Variants in OTUD3 observed in about 807,000 individuals in gnomAD.
OTUD3 encodes the protein OTU deubiquitinase 3, also known as OTU domain-containing protein 3.
In OTUD3, 24 loss-of-function variants were observed where a neutral mutation model predicts 46.2. The observed-to-expected ratio is 0.52, with a 90% confidence interval of 0.38 to 0.73. The LOEUF (loss-of-function observed/expected upper bound fraction) is 0.73. Among genes scored for constraint, OTUD3 ranks in the 30% least tolerant of loss-of-function variants. OTUD3 has a pLI of 0.00. For synonymous variants in OTUD3, 189 were observed against 195.4 expected (o/e 0.97, Z 0.27); for missense variants, 455 against 523.3 (o/e 0.87, Z 1.27).
rs554221669 is a variant in OTUD3, at chr1:19,882,779, C to A, written c.221+45C>A. The A allele has an allele frequency of 1.3e-5, 16 of 1,264,254 alleles. No individual in the cohort carries two copies. The East Asian group carries it at 4.8e-4, about 38-fold the overall frequency. The allele number at this position is 1,264,254 out of a possible 1,614,324, so 78.3% of individuals were successfully genotyped here. On this transcript the variant is annotated intron_variant, in intron 1 of 7. Coordinates refer to ENST00000375120, the MANE Select transcript of OTUD3 (RefSeq NM_015207.2). ...AGGGAGGCGGCGCCGGGGGACGCGCCGGGCTCGGCCTGGCGACCGTTGCCC... is the reference window on the plus strand; with the variant it reads ...AGGGAGGCGGCGCCGGGGGACGCGCAGGGCTCGGCCTGGCGACCGTTGCCC...
rs61404197 is a variant in OTUD3 at position 19,885,599 on chromosome 1, A to G, written c.221+2865A>G. Among the ~76,000 whole-genome samples the G allele has an allele frequency of 2.3e-3, 344 of 152,232 alleles. 2 individuals carry two copies. Among genetic ancestry groups the G allele is most frequent in the African/African-American group, 7.9e-3 (328 of 41,564 alleles). On this transcript the variant is annotated intron_variant, in intron 1 of 7. Coordinates refer to ENST00000375120, the MANE Select transcript of OTUD3 (RefSeq NM_015207.2). ...CTCCTGAGTAGCTGGGATTACAGGC[A>G]CCTGCTACCACAGCCAGCTAATTTG... is the stretch of plus-strand genomic sequence containing the variant.
intron 2 of OTUD3, among the ~76,000 whole-genome samples, chr1:19,892,023 T>C (rs367875145): frequency 6.6e-6 from 1 of 152,262 alleles, no homozygotes; most frequent in African/African-American, 2.4e-5. Flanking sequence ...TAGTTTGTGA[T>C]GTGAAACTCC....
At chr1:19,890,761 C>T (rs1257231060) in intron 2 of OTUD3, among the ~76,000 whole-genome samples, 1 of 152,094 alleles carries the variant, frequency 6.6e-6, no homozygotes, top group Non-Finnish European at 1.5e-5. Flanking sequence ...ATTAATTGAC[C>T]TGAAAAGCGA....
intron 2 of OTUD3, among the ~76,000 whole-genome samples, chr1:19,892,153 C>T (rs2045455159): frequency 6.6e-6 from 1 of 152,172 alleles, no homozygotes; most frequent in Non-Finnish European, 1.5e-5. Flanking sequence ...AAGGTGTTTT[C>T]TTGAAATGTC....
intron 4 of OTUD3, among the ~76,000 whole-genome samples, chr1:19,900,745 G>A (rs894831021): frequency 6.6e-6 from 1 of 151,944 alleles, no homozygotes; most frequent in African/African-American, 2.4e-5. Flanking sequence ...TTCACATGTT[G>A]ATGCCTCATT....
At chr1:19,887,327 G>A (rs1222876008) in intron 1 of OTUD3, among the ~76,000 whole-genome samples, 4 of 151,972 alleles carry the variant, frequency 2.6e-5, no homozygotes, top group African/African-American at 9.7e-5. Context: ...CAGGTGATCC[G>A]CCTGCCTTGG....
intron 6 of OTUD3, among the ~76,000 whole-genome samples, chr1:19,906,138 G>C (rs1401680092): frequency 6.6e-6 from 1 of 152,202 alleles, no homozygotes; most frequent in Non-Finnish European, 1.5e-5. Flanking sequence ...GGGTGCAAAT[G>C]AAAGATTTTC....
chr1:19,912,199 A>G lies in OTUD3; in HGVS notation c.*4453A>G, dbSNP rs958789277. On this transcript the variant is annotated 3_prime_UTR_variant, in exon 8 of 8. Transcript: ENST00000375120. ...TTGCGGCTGGCGGCGATTGCCGGAC[A>G]GACTCTCTGTGGCCTGGCTCTCATC... The G allele has an allele frequency of 2.0e-5, 3 of 152,344 alleles. No individual in the cohort carries two copies. Among genetic ancestry groups the G allele is most frequent in the African/African-American group, 7.2e-5 (3 of 41,458 alleles). The allele number at this position is 152,344 out of a possible 1,614,324, so 9.4% of individuals were successfully genotyped here.
At chr1:19,890,826 T>C (rs1050642774) in intron 2 of OTUD3, among the ~76,000 whole-genome samples, 2 of 152,224 alleles carry the variant, frequency 1.3e-5, no homozygotes, top group African/African-American at 2.4e-5. Context: ...ATAGCTTGTA[T>C]AGGTTGATCC....
At position 19,912,140 on chromosome 1, in the gene OTUD3, GT is replaced by G. The variant is rs1321052408; in HGVS notation, c.*4395del. On this transcript the variant is annotated 3_prime_UTR_variant, in exon 8 of 8. Coordinates refer to ENST00000375120, the MANE Select transcript of OTUD3 (RefSeq NM_015207.2). ...AATTTATTCTAAGCAGGTCATAGCC[GT>G]GATCCAGAGCTGCTGCTGCTCACTG... 1 of 152,362 alleles carries G rather than the reference GT, an allele frequency of 6.6e-6. No homozygotes were observed. Among genetic ancestry groups the G allele is most frequent in the Non-Finnish European group, 1.5e-5 (1 of 68,040 alleles). The allele number at this position is 152,362 out of a possible 1,614,324, so 9.4% of individuals were successfully genotyped here. A position where few individuals can be genotyped will look rare whatever the true frequency, so the allele number is the denominator to read the frequency against.
chr1:19,907,751 T>C lies in OTUD3; in HGVS notation c.*5T>C, dbSNP rs1412890703. 5 of 1,613,232 alleles carry C rather than the reference T, an allele frequency of 3.1e-6. No individual in the cohort carries two copies. Among genetic ancestry groups the C allele is most frequent in the East Asian group, 2.2e-5 (1 of 44,872 alleles). On this transcript the variant is annotated 3_prime_UTR_variant, in exon 8 of 8. Transcript: ENST00000375120. The stretch of plus-strand genomic sequence containing the variant: ...TTCGCCGCTCTCAACATCTGACTCT[T>C]TGGCCTCTTGGGAGTTGTAAGAAGC...
At chr1:19,896,570 C>T (rs2100284647) in intron 3 of OTUD3, among the ~76,000 whole-genome samples, 1 of 152,290 alleles carries the variant, frequency 6.6e-6, no homozygotes, top group South Asian at 2.1e-4. Flanking sequence ...GACATCTAGA[C>T]TTGTGTGCTT....
chr1:19,896,944 A>G (rs1368020664), intron 3 of OTUD3, among the ~76,000 whole-genome samples: 1 of 152,164 alleles, frequency 6.6e-6, no homozygotes, highest in African/African-American at 2.4e-5. Context: ...AAGCTGACGT[A>G]GGTAGGAGAT....
intron 7 of OTUD3, chr1:19,906,931 T>C: frequency 4.9e-6 from 1 of 204,358 alleles, no homozygotes; most frequent in Non-Finnish European, 9.9e-6. Flanking sequence ...ATAAATGCCA[T>C]GATCTGCAAT....
chr1:19,897,368 G>C (rs368737541), intron 3 of OTUD3, among the ~76,000 whole-genome samples, 172 bp from the exon 4 acceptor site: 4 of 152,280 alleles, frequency 2.6e-5, no homozygotes, highest in African/African-American at 9.6e-5. Context: ...AAGCATACAC[G>C]CATAGGAAGG....
In OTUD3 at chr1:19,882,544, C is replaced by A. The variant is rs1414246478; in HGVS notation, c.31C>A (p.Pro11Thr). The A allele has an allele frequency of 1.5e-6, 2 of 1,345,550 alleles. No individual in the cohort carries two copies. The highest frequency in any genetic ancestry group is 1.9e-6 in the Non-Finnish European group (2 of 1,056,972). The allele number at this position is 1,345,550 out of a possible 1,614,324, so 83.4% of individuals were successfully genotyped here. A position where few individuals can be genotyped will look rare whatever the true frequency, so the allele number is the denominator to read the frequency against. The change falls in exon 1 of 8, where the codon CCG (proline) becomes ACG (threonine). Residue 11 changes from proline to threonine, a missense_variant. Coordinates refer to ENST00000375120, the MANE Select transcript of OTUD3 (RefSeq NM_015207.2). ...CCGAAAGCAGGCGGCGAAGAGCCGG[C>A]CGGGCAGCGGCAGCCGGAAAGCCGA... is the stretch of plus-strand genomic sequence containing the variant. MSRKQAAKSR[P>T]GSGSRKAEAE... is the part of the protein sequence containing the mutation.
At chr1:19,889,337 C>T (rs1488290346) in intron 1 of OTUD3, among the ~76,000 whole-genome samples, 1 of 151,984 alleles carries the variant, frequency 6.6e-6, no homozygotes, top group Admixed American at 6.6e-5. Context: ...GAGATTCCAG[C>T]CTTTCTATAG....
At chr1:19,887,087 T>TC (rs2045373899) in intron 1 of OTUD3, among the ~76,000 whole-genome samples, 2 of 150,020 alleles carry the variant, frequency 1.3e-5, no homozygotes, top group African/African-American at 4.9e-5. Flanking sequence ...TTTTTCTTTT[T>TC]TTTTTTTTTT....
intron 4 of OTUD3, among the ~76,000 whole-genome samples, chr1:19,900,922 T>TG (rs930905255): frequency 6.1e-5 from 9 of 147,348 alleles, no homozygotes; most frequent in African/African-American, 1.8e-4. Flanking sequence ...TTTTGTTTTT[T>TG]TTTTTTTTTT....
Sources: allele counts gnomAD v4.1 joint callset (sites outside exome capture counted in the v4.1 genomes callset), GRCh38; gene constraint gnomAD v4.1.1; transcripts MANE v1.5; gene names NCBI Gene and HGNC (gene_info 2026-07-23, HGNC 2026-07-21).